ATOH8: variants seen among roughly 807,000 people sequenced by gnomAD.
The protein encoded by ATOH8 is atonal bHLH transcription factor 8, also known as transcription factor ATOH8.
ATOH8 carries 9 observed loss-of-function variants against 21.2 expected under a neutral mutation model. The ratio of observed to expected loss-of-function variants is 0.42; its 90% CI spans 0.26 to 0.74. The LOEUF (loss-of-function observed/expected upper bound fraction) is 0.74. Ranked by LOEUF, ATOH8 falls within the 30% of genes least tolerant of loss-of-function variation. The probability of loss-of-function intolerance (pLI) is 0.24; values close to 1 mark genes in which losing one functional copy is unlikely to be tolerated. For missense variants in ATOH8, 524 were observed against 470.9 expected (o/e 1.11, Z -1.04); for synonymous variants, 253 against 224.0 (o/e 1.13, Z -1.16).
rs72928954 is a variant in ATOH8 at position 85,773,992 on chromosome 2, C to T, written c.960+9810C>T. On this transcript the variant is annotated intron_variant, in intron 2 of 2. Transcript: ENST00000306279. ...TGGTCCCTACTCTTCCCTTGGGGGCCGTGCGGCCGGGTGCTCAAGTGTTTT... is the reference window on the plus strand; with the variant it reads ...TGGTCCCTACTCTTCCCTTGGGGGCTGTGCGGCCGGGTGCTCAAGTGTTTT... The T allele has an allele frequency of 0.016, 11,385 of 716,394 alleles. 949 individuals carry two copies. The East Asian group carries it at 0.23, about 14-fold the overall frequency. 44.4% of individuals were successfully genotyped at this position (716,394 alleles called of 1,614,324 possible). A position where few individuals can be genotyped will look rare whatever the true frequency, so the allele number is the denominator to read the frequency against.
At chr2:85,755,268 TCCC>T (rs1257624049) in intron 1 of ATOH8, among the ~76,000 whole-genome samples, 4 of 151,630 alleles carry the variant, frequency 2.6e-5, no homozygotes, top group Non-Finnish European at 5.9e-5. Flanking sequence ...CCTGCCGGAG[TCCC>T]CTGGGCGCGG....
In ATOH8 at chr2:85,789,637, G is replaced by A. The variant is rs1680713218; in HGVS notation, c.*2747G>A. Among the ~76,000 whole-genome samples, 1 of 152,238 alleles carries A rather than the reference G, an allele frequency of 6.6e-6. No individual in the cohort carries two copies. The highest frequency in any genetic ancestry group is 2.4e-5 in the African/African-American group (1 of 41,460). On this transcript the variant is annotated 3_prime_UTR_variant, in exon 3 of 3. Coordinates refer to ENST00000306279, the MANE Select transcript of ATOH8 (RefSeq NM_032827.7). ...ATATTAAATATTGATATGAAGTATT[G>A]ATGCCCAATTTCATCTCCAGAAATT... is the stretch of plus-strand genomic sequence containing the variant.
chr2:85,788,137 G>A lies in ATOH8; in HGVS notation c.*1247G>A, dbSNP rs1224459451. Reference sequence around the variant, plus strand: ...TCATCAGCTGGGGAGTGTGAGGGAGGGGGTTGGTTTCTACCTACAGGTTGA... The same window carrying A: ...TCATCAGCTGGGGAGTGTGAGGGAGAGGGTTGGTTTCTACCTACAGGTTGA... On this transcript the variant is annotated 3_prime_UTR_variant, in exon 3 of 3. Transcript: ENST00000306279. 1 of 152,318 alleles carries A rather than the reference G, an allele frequency of 6.6e-6. No homozygotes were observed. Among genetic ancestry groups the A allele is most frequent in the Non-Finnish European group, 1.5e-5 (1 of 68,098 alleles). 9.4% of individuals were successfully genotyped at this position (152,318 alleles called of 1,614,324 possible).
rs116825036 is a variant in ATOH8, at chr2:85,766,816, C to T, written c.960+2634C>T. 7.0e-3 allele frequency among the ~76,000 whole-genome samples: 1,069 copies of T among 152,274 alleles called. 20 individuals are homozygous for T. The highest frequency in any genetic ancestry group is 0.025 in the African/African-American group (1,035 of 41,548). On this transcript the variant is annotated intron_variant, in intron 2 of 2. Transcript: ENST00000306279. This position sits in a 1 kb window ranked among gnomAD's most constrained non-coding sequence, Gnocchi z 4.0. ...TAGCTGTCACCCTCCATCTGTCTGT[C>T]TACCTGTCTTTCTCTCTGAGTCTGG...
At chr2:85,754,993 G>A (rs1393522218) in intron 1 of ATOH8, 36 bp downstream of exon 1, 1 of 1,546,850 alleles carries the variant, frequency 6.5e-7, no homozygotes, top group East Asian at 2.3e-5. Context: ...CACTGCGCCG[G>A]GGGACGACTG....
In ATOH8 at chr2:85,764,201, G is replaced by A. The variant is rs1679943815; in HGVS notation, c.960+19G>A. The A allele has an allele frequency of 1.9e-6, 3 of 1,612,950 alleles. No individual in the cohort carries two copies. The highest frequency in any genetic ancestry group is 1.1e-5 in the South Asian group (1 of 91,046). ...GCGCAAGGTATGCACCAGCTGGGTGGGCGGTAGCTTCTGGGGAGCATAGGG... is the reference window on the plus strand; with the variant it reads ...GCGCAAGGTATGCACCAGCTGGGTGAGCGGTAGCTTCTGGGGAGCATAGGG... On this transcript the variant is annotated intron_variant, in intron 2 of 2. Transcript: ENST00000306279.
At chr2:85,758,301 C>T (rs981871288) in intron 1 of ATOH8, among the ~76,000 whole-genome samples, 3 of 152,246 alleles carry the variant, frequency 2.0e-5, no homozygotes, top group Non-Finnish European at 4.4e-5. Flanking sequence ...TGCCCTGTTT[C>T]ACAGATGGTG....
At chr2:85,774,026 G>A (rs1035997253) in intron 2 of ATOH8, 17 of 929,738 alleles carry the variant, frequency 1.8e-5, no homozygotes, top group Non-Finnish European at 1.3e-6. Context: ...TTAACCTCAG[G>A]ACCCTGATTA....
Position 85,754,289 on chromosome 2 carries a change from G to C in ATOH8, c.100G>C (p.Ala34Pro). Residue 34 changes from alanine to proline, a missense_variant, in exon 1 of 3, where the codon GCG (alanine) becomes CCG (proline). Transcript: ENST00000306279. The stretch of plus-strand genomic sequence containing the variant: ...GCTCAAGCGGAAAGGCAAGGAGCCG[G>C]CGCGGCGCGCGAACGGCTATAAAAC... ...KKLKRKGKEPARRANGYKTFR... is the reference protein window; with the variant it reads ...KKLKRKGKEPPRRANGYKTFR... 1 of 1,610,184 alleles carries C rather than the reference G, an allele frequency of 6.2e-7. No homozygotes were observed. The highest frequency in any genetic ancestry group is 8.5e-7 in the Non-Finnish European group (1 of 1,178,920).
Position 85,775,002 on chromosome 2 carries a change from G to C in ATOH8, c.960+10820G>C. 3.0e-6 allele frequency: 3 copies of C among 985,398 alleles called. No homozygotes were observed. The South Asian group carries it at 1.4e-4, about 46-fold the overall frequency. The allele number at this position is 985,398 out of a possible 1,614,324, so 61.0% of individuals were successfully genotyped here. Reference sequence around the variant, plus strand: ...CAGGGATGCTTTTGGTCTAATTCAGGAGAGCATCATGTGATATGCTTTTAA... The same window carrying C: ...CAGGGATGCTTTTGGTCTAATTCAGCAGAGCATCATGTGATATGCTTTTAA... On this transcript the variant is annotated intron_variant, in intron 2 of 2. Coordinates refer to ENST00000306279, the MANE Select transcript of ATOH8 (RefSeq NM_032827.7).
intron 1 of ATOH8, among the ~76,000 whole-genome samples, chr2:85,757,894 T>C (rs1279555090): frequency 6.6e-6 from 1 of 151,786 alleles, no homozygotes; most frequent in Non-Finnish European, 1.5e-5. Flanking sequence ...CAAGTGATTC[T>C]TCTGCCTCAG....
At chr2:85,761,806 G>A (rs1679878794) in intron 1 of ATOH8, among the ~76,000 whole-genome samples, 1 of 152,194 alleles carries the variant, frequency 6.6e-6, no homozygotes, top group African/African-American at 2.4e-5. Flanking sequence ...TTGTTTATTT[G>A]TTCAGGTTGA....
chr2:85,777,182 G>C (rs187044321), intron 2 of ATOH8, among the ~76,000 whole-genome samples: 6 of 152,308 alleles, frequency 3.9e-5, no homozygotes, highest in East Asian at 1.9e-4. Context: ...TCGGAACTCA[G>C]AGCTAAACTA....
chr2:85,755,037 A>G lies in ATOH8; in HGVS notation c.768+80A>G, dbSNP rs566870180. On this transcript the variant is annotated intron_variant, in intron 1 of 2. Transcript: ENST00000306279. ...GGTGGGCGAGTGGCCGGGGCGGGAT[A>G]GAGGTGTGTTTAAGGGGCAAGCTGC... 12 of 1,468,628 alleles carry G rather than the reference A, an allele frequency of 8.2e-6. 1 individual carries two copies. In the Admixed American group the frequency reaches 2.0e-4, roughly 24 times the overall value. 91.0% of individuals were successfully genotyped at this position (1,468,628 alleles called of 1,614,324 possible). A position where few individuals can be genotyped will look rare whatever the true frequency, so the allele number is the denominator to read the frequency against.
intron 1 of ATOH8, among the ~76,000 whole-genome samples, chr2:85,755,352 G>A (rs539947217): frequency 5.3e-5 from 8 of 152,314 alleles, no homozygotes; most frequent in Non-Finnish European, 1.0e-4. Flanking sequence ...AGTTGGTGGT[G>A]GCAAGGTCCG....
chr2:85,754,090 G>A lies in ATOH8; in HGVS notation c.-100G>A. The A allele has an allele frequency of 6.0e-6, 8 of 1,323,508 alleles. No homozygotes were observed. Among genetic ancestry groups the A allele is most frequent in the East Asian group, 3.1e-5 (1 of 32,270 alleles). The allele number at this position is 1,323,508 out of a possible 1,614,324, so 82.0% of individuals were successfully genotyped here. A position where few individuals can be genotyped will look rare whatever the true frequency, so the allele number is the denominator to read the frequency against. ...GAGGGGGAGAAAGGGAGAGAGGGAG[G>A]GGGAGGGCGGGCGAAGCGGGAGAGC... On this transcript the variant is annotated 5_prime_UTR_variant, in exon 1 of 3. Coordinates refer to ENST00000306279, the MANE Select transcript of ATOH8 (RefSeq NM_032827.7).
Position 85,788,086 on chromosome 2 carries a change from CTG to C in ATOH8, c.*1199_*1200del, listed in dbSNP as rs1255577312. ...AGAAAATACTTGTGTTGAGTGGACT[CTG>C]TGGGTGACCAGGACTTTGGCCGGTC... On this transcript the variant is annotated 3_prime_UTR_variant, in exon 3 of 3. Transcript: ENST00000306279. 6.6e-6 allele frequency: 1 copy of C among 152,494 alleles called. No homozygotes were observed. Among genetic ancestry groups the C allele is most frequent in the African/African-American group, 2.4e-5 (1 of 41,434 alleles). 9.4% of individuals were successfully genotyped at this position (152,494 alleles called of 1,614,324 possible). A position where few individuals can be genotyped will look rare whatever the true frequency, so the allele number is the denominator to read the frequency against.
intron 2 of ATOH8, among the ~76,000 whole-genome samples, chr2:85,777,425 C>T (rs745505482): frequency 2.2e-4 from 33 of 152,128 alleles, no homozygotes; most frequent in Non-Finnish European, 3.7e-4. Context: ...AAGAAATAGA[C>T]GCATGATAAA....
In ATOH8 at chr2:85,780,853, C is replaced by G. The variant is rs531368460; in HGVS notation, c.961-6032C>G. On this transcript the variant is annotated intron_variant, in intron 2 of 2. Coordinates refer to ENST00000306279, the MANE Select transcript of ATOH8 (RefSeq NM_032827.7). ...CGATTCATGCCATGTTCCCGCCCCC[C>G]GCAAATAGCAGCCAATTCCAACTGC... 50 of 984,538 alleles carry G rather than the reference C, an allele frequency of 5.1e-5. No individual in the cohort carries two copies. In the East Asian group the frequency reaches 2.0e-3, roughly 40 times the overall value. 61.0% of individuals were successfully genotyped at this position (984,538 alleles called of 1,614,324 possible). A position where few individuals can be genotyped will look rare whatever the true frequency, so the allele number is the denominator to read the frequency against.
Sources: gnomAD v4.1 joint callset for allele counts (sites outside exome capture counted in the v4.1 genomes callset) on GRCh38, gnomAD v4.1.1 for gene constraint, Gnocchi (gnomAD v3.1) non-coding constraint, MANE v1.5 for transcripts, NCBI Gene and HGNC (gene_info 2026-07-23, HGNC 2026-07-21) for gene names.